CAPZB: variants seen among roughly 807,000 people sequenced by gnomAD.
CAPZB encodes F-actin-capping protein subunit beta.
Under a neutral mutation model 38.1 loss-of-function variants are expected in CAPZB, and 2 were observed. That is an observed-to-expected ratio of 0.05 (90% CI 0.02 to 0.17). The LOEUF (loss-of-function observed/expected upper bound fraction) is 0.17. Ranked by LOEUF, CAPZB falls within the 10% of genes least tolerant of loss-of-function variation. The probability of loss-of-function intolerance (pLI) is 1.00; values close to 1 mark genes in which losing one functional copy is unlikely to be tolerated. For missense variants in CAPZB, 161 were observed against 334.2 expected (o/e 0.48, Z 4.04); for synonymous variants, 107 against 127.4 (o/e 0.84, Z 1.08).
chr1:19,431,110 A>G (rs1468136079), intron 1 of CAPZB, among the ~76,000 whole-genome samples: 1 of 152,214 alleles, frequency 6.6e-6, no homozygotes, highest in Non-Finnish European at 1.5e-5. Context: ...GACATCACAT[A>G]ATGGCAAATG....
intron 2 of CAPZB, among the ~76,000 whole-genome samples, chr1:19,392,676 A>G (rs978549714): frequency 2.6e-5 from 4 of 152,268 alleles, no homozygotes; most frequent in African/African-American, 4.8e-5. Flanking sequence ...CTGTAGTCCC[A>G]GCTACTCAGG....
In CAPZB at chr1:19,458,099, C is replaced by CA. The variant is rs58149759; in HGVS notation, c.3+27336dup. On this transcript the variant is annotated intron_variant, in intron 1 of 8. Transcript: ENST00000264202. The stretch of plus-strand genomic sequence containing the variant: ...GTATATAAGAAATAAAAGGAGTTGC[C>CA]AAAAAAAAAAAAAAAAACACTAAAC... 7.2e-3 allele frequency among the ~76,000 whole-genome samples: 927 copies of CA among 128,732 alleles called. 12 individuals are homozygous for CA. The highest frequency in any genetic ancestry group is 0.039 in the East Asian group (175 of 4,502). 84.5% of individuals were successfully genotyped at this position (128,732 alleles called of 152,430 possible).
At chr1:19,445,355 A>G (rs1190264594) in intron 1 of CAPZB, among the ~76,000 whole-genome samples, 2 of 136,642 alleles carry the variant, frequency 1.5e-5, no homozygotes, top group African/African-American at 2.9e-5. Flanking sequence ...ATGAGGGGGA[A>G]TTTTGAGTGA....
chr1:19,413,263 C>A (rs543241858), intron 2 of CAPZB, among the ~76,000 whole-genome samples: 1 of 152,180 alleles, frequency 6.6e-6, no homozygotes, highest in Non-Finnish European at 1.5e-5. Context: ...GCCTGACTTC[C>A]AGGAGGTGCT....
chr1:19,449,224 C>T, intron 1 of CAPZB: 3 of 1,125,632 alleles, frequency 2.7e-6, no homozygotes, highest in Non-Finnish European at 3.3e-6. Flanking sequence ...AAGCCGGAAC[C>T]AGGACAACAG....
At chr1:19,382,892 G>A (rs1011355591) in intron 3 of CAPZB, among the ~76,000 whole-genome samples, 4 of 152,148 alleles carry the variant, frequency 2.6e-5, no homozygotes, top group African/African-American at 7.2e-5. Flanking sequence ...CATGCCGGGC[G>A]AGAATACTTC....
At chr1:19,384,937 C>G (rs1558209480) in intron 3 of CAPZB, among the ~76,000 whole-genome samples, 1 of 152,176 alleles carries the variant, frequency 6.6e-6, no homozygotes, top group East Asian at 1.9e-4. Context: ...TCACATCATA[C>G]AGTTACCAGT....
intron 4 of CAPZB, among the ~76,000 whole-genome samples, chr1:19,366,283 A>AATATATATATATATATATAT (rs201882034): frequency 1.7e-3 from 104 of 60,444 alleles, no homozygotes; most frequent in African/African-American, 6.0e-3. Flanking sequence ...CGTGTCTTAA[A>AATATATATATATATATATAT]ATATATATAT....
At position 19,357,099 on chromosome 1, in the gene CAPZB, C is replaced by T. The variant is rs1380870355; in HGVS notation, c.471+323G>A. Among the ~76,000 whole-genome samples the T allele has an allele frequency of 2.0e-5, 3 of 152,022 alleles. No individual in the cohort carries two copies. Among genetic ancestry groups the T allele is most frequent in the Admixed American group, 6.6e-5 (1 of 15,262 alleles). On this transcript the variant is annotated intron_variant, in intron 5 of 8. Coordinates refer to ENST00000264202, the MANE Select transcript of CAPZB (RefSeq NM_004930.5). The surrounding 1 kb of genome is among the most constrained non-coding windows in gnomAD (Gnocchi z 4.3). ...AGGCTGGTCTTGAACTCCTGACCTC[C>T]GGTGATCTGCCCACCTCAGCCTCCC...
At chr1:19,406,914 G>A (rs1271236713) in intron 2 of CAPZB, among the ~76,000 whole-genome samples, 1 of 152,178 alleles carries the variant, frequency 6.6e-6, no homozygotes, top group Non-Finnish European at 1.5e-5. Context: ...CTTGAAGTTA[G>A]TGTCATGCCC....
chr1:19,394,276 G>A (rs966474714), intron 2 of CAPZB, among the ~76,000 whole-genome samples: 8 of 151,622 alleles, frequency 5.3e-5, no homozygotes, highest in Non-Finnish European at 1.0e-4. Flanking sequence ...ATGAGCCACC[G>A]CGCCTGGCCA....
chr1:19,364,834 A>G (rs2094074233), intron 4 of CAPZB, among the ~76,000 whole-genome samples: 1 of 151,030 alleles, frequency 6.6e-6, no homozygotes, highest in Middle Eastern at 3.2e-3. Context: ...CAAATGGAGT[A>G]TTTTTTCTTT....
chr1:19,429,637 C>T (rs1048610904), intron 1 of CAPZB, among the ~76,000 whole-genome samples: 1 of 152,218 alleles, frequency 6.6e-6, no homozygotes, highest in Admixed American at 6.5e-5. Context: ...GGAACTCTCC[C>T]AGAGAGTAAA....
intron 8 of CAPZB, chr1:19,342,663 C>G: frequency 1.3e-6 from 1 of 794,950 alleles, no homozygotes; most frequent in Non-Finnish European, 2.2e-6. Flanking sequence ...TTTAAATGGC[C>G]GCGGAGCAGC....
In CAPZB at chr1:19,456,301, A is replaced by C. The variant is rs1570322339; in HGVS notation, c.3+29135T>G. 3.3e-5 allele frequency among the ~76,000 whole-genome samples: 5 copies of C among 152,356 alleles called. 1 individual carries two copies. The highest frequency in any genetic ancestry group is 3.3e-4 in the Admixed American group (5 of 15,300). On this transcript the variant is annotated intron_variant, in intron 1 of 8. Transcript: ENST00000264202. ...GAGAGAAGCAAGAGCTTTGAGAAGT[A>C]AACAAAAGAAATTTTAAAATAATCT... is the stretch of plus-strand genomic sequence containing the variant.
chr1:19,369,113 C>A (rs1558192501), intron 4 of CAPZB, among the ~76,000 whole-genome samples: 1 of 152,230 alleles, frequency 6.6e-6, no homozygotes, highest in Non-Finnish European at 1.5e-5. Context: ...GTTTTCTGCA[C>A]ACTCCTGTTT....
chr1:19,442,347 G>A (rs549309413), intron 1 of CAPZB, among the ~76,000 whole-genome samples: 1 of 152,104 alleles, frequency 6.6e-6, no homozygotes, highest in Admixed American at 6.5e-5. Context: ...GGGGAGTGGG[G>A]GGGCGTGGAG....
intron 1 of CAPZB, among the ~76,000 whole-genome samples, chr1:19,461,105 G>GGGGGGGGGGGGT (rs2094550352): frequency 7.2e-6 from 1 of 139,080 alleles, no homozygotes; most frequent in Admixed American, 7.1e-5. Flanking sequence ...GCGGGGGGGG[G>GGGGGGGGGGGGT]AGGGGCGGGT....
intron 4 of CAPZB, among the ~76,000 whole-genome samples, chr1:19,370,600 C>T (rs928960288): frequency 6.6e-6 from 1 of 152,140 alleles, no homozygotes; most frequent in Non-Finnish European, 1.5e-5. Context: ...TTTCAGATGC[C>T]CACAAGGAAA....
Sources: allele counts gnomAD v4.1 joint callset (sites outside exome capture counted in the v4.1 genomes callset), GRCh38; gene constraint gnomAD v4.1.1; non-coding constraint Gnocchi (gnomAD v3.1); transcripts MANE v1.5; gene names NCBI Gene and HGNC (gene_info 2026-07-23, HGNC 2026-07-21).